The following PCDH9 variants were observed in gnomAD, a reference collection of about 807,000 sequenced individuals.
PCDH9 encodes protocadherin 9.
Under a neutral mutation model 70.6 loss-of-function variants are expected in PCDH9, and 24 were observed. The observed-to-expected ratio is 0.34, with a 90% CI of 0.25 to 0.48. The LOEUF is 0.48. Ranked by LOEUF, PCDH9 falls within the 20% of genes least tolerant of loss-of-function variation. PCDH9 has a pLI of 0.99. For missense variants in PCDH9, 1,281 were observed against 1,503.6 expected, an observed-to-expected ratio of 0.85 and a Z score of 2.45; for synonymous variants, 562 against 558.5, an observed-to-expected ratio of 1.01 and a Z score of -0.09.
intron 4 of PCDH9, among the ~76,000 whole-genome samples, chr13:66,578,489 C>A (rs1161151448): frequency 6.6e-6 from 1 of 151,990 alleles, no homozygotes; most frequent in East Asian, 1.9e-4. Context: ...GATCATTCTA[C>A]ATGTTTGTTG....
At chr13:67,147,158 AATC>A (rs1418384161) in intron 2 of PCDH9, among the ~76,000 whole-genome samples, 1 of 152,182 alleles carries the variant, frequency 6.6e-6, no homozygotes, top group Non-Finnish European at 1.5e-5. Context: ...AGACTTCCGA[AATC>A]ATCATTTTCA....
At chr13:66,849,125 A>C (rs542629450) in intron 3 of PCDH9, among the ~76,000 whole-genome samples, 66 of 152,114 alleles carry the variant, frequency 4.3e-4, no homozygotes, top group African/African-American at 1.5e-3. Flanking sequence ...TTGGGTATCC[A>C]AAGATTTCTA....
At chr13:66,545,677 A>C (rs1231607820) in intron 4 of PCDH9, among the ~76,000 whole-genome samples, 1 of 152,184 alleles carries the variant, frequency 6.6e-6, no homozygotes, top group Admixed American at 6.5e-5. Context: ...ATGTTGGCGT[A>C]AACAACTCTA....
intron 4 of PCDH9, among the ~76,000 whole-genome samples, chr13:66,389,030 T>C (rs541628220): frequency 2.0e-5 from 3 of 152,292 alleles, no homozygotes; most frequent in South Asian, 2.1e-4. Flanking sequence ...CTTCTGTCCA[T>C]GTGTTTTCCT....
chr13:66,410,845 T>C (rs1482583300), intron 4 of PCDH9, among the ~76,000 whole-genome samples: 1 of 152,226 alleles, frequency 6.6e-6, no homozygotes, highest in Non-Finnish European at 1.5e-5. Context: ...GTTATTTTTC[T>C]TCCTATATCT....
intron 2 of PCDH9, among the ~76,000 whole-genome samples, chr13:67,155,630 T>C (rs1269556349): frequency 6.6e-6 from 1 of 152,144 alleles, no homozygotes; most frequent in African/African-American, 2.4e-5. Flanking sequence ...TCCTTTTCCC[T>C]CTGTGTTTTC....
intron 2 of PCDH9, among the ~76,000 whole-genome samples, chr13:67,193,366 C>CAA (rs1476424214): frequency 1.7e-4 from 24 of 143,634 alleles, no homozygotes; most frequent in East Asian, 2.1e-4. Flanking sequence ...CACACACACA[C>CAA]AACATAGGAG....
intron 4 of PCDH9, among the ~76,000 whole-genome samples, chr13:66,383,623 A>G (rs956039540): frequency 2.6e-5 from 4 of 152,208 alleles, no homozygotes; most frequent in Non-Finnish European, 5.9e-5. Context: ...ATCCTTTGCT[A>G]TGTTTCATTG....
Position 66,531,658 on chromosome 13 carries a change from G to A in PCDH9, c.3340+99552C>T, listed in dbSNP as rs1593631089. On this transcript the variant is annotated intron_variant, in intron 4 of 4. Transcript: ENST00000377865. ...ACTACGCTTTAAATTGTTTGGGGTG[G>A]TCCATTCTCTAAATACTTAAAATGC... is the stretch of plus-strand genomic sequence containing the variant. 1.3e-5 allele frequency among the ~76,000 whole-genome samples: 2 copies of A among 152,048 alleles called. 1 individual carries two copies. The highest frequency in any genetic ancestry group is 4.1e-4 in the South Asian group (2 of 4,820).
intron 2 of PCDH9, chr13:67,208,059 T>A (rs1464672089): frequency 6.6e-6 from 1 of 152,156 alleles, no homozygotes; most frequent in Non-Finnish European, 1.5e-5. Context: ...CAGAACTGAT[T>A]CGATTAATCA....
At chr13:67,035,098 A>G (rs1227030138) in intron 2 of PCDH9, among the ~76,000 whole-genome samples, 1 of 152,150 alleles carries the variant, frequency 6.6e-6, no homozygotes, top group Non-Finnish European at 1.5e-5. Context: ...ATGACTATCA[A>G]CTTCATGGTG....
chr13:66,438,207 C>T (rs1957910380), intron 4 of PCDH9, among the ~76,000 whole-genome samples: 1 of 150,574 alleles, frequency 6.6e-6, no homozygotes, highest in Admixed American at 6.6e-5. Flanking sequence ...GCACTCCAGC[C>T]TGAGTGACAG....
At chr13:67,052,701 A>G (rs1395352630) in intron 2 of PCDH9, among the ~76,000 whole-genome samples, 1 of 152,094 alleles carries the variant, frequency 6.6e-6, no homozygotes, top group Non-Finnish European at 1.5e-5. Flanking sequence ...TAGGGAAGTG[A>G]GATTTTTATA....
At chr13:66,812,607 C>T (rs182840553) in intron 3 of PCDH9, among the ~76,000 whole-genome samples, 33 of 152,216 alleles carry the variant, frequency 2.2e-4, no homozygotes, top group African/African-American at 7.5e-4. Flanking sequence ...AAAGTATGTG[C>T]AAGAAACAGA....
chr13:66,704,967 A>G (rs1449236583), intron 3 of PCDH9, among the ~76,000 whole-genome samples: 1 of 151,984 alleles, frequency 6.6e-6, no homozygotes, highest in African/African-American at 2.4e-5. Context: ...TGTTTTCATC[A>G]ATGCTTAAGT....
intron 3 of PCDH9, among the ~76,000 whole-genome samples, chr13:66,703,886 G>T (rs1437579335): frequency 6.6e-6 from 1 of 151,346 alleles, no homozygotes; most frequent in African/African-American, 2.4e-5. Flanking sequence ...GGTCAACAGA[G>T]CAAAACCCTG....
At chr13:67,223,912 G>C (rs2089788448) in intron 2 of PCDH9, 1 of 151,932 alleles carries the variant, frequency 6.6e-6, no homozygotes, top group Non-Finnish European at 1.5e-5. Context: ...TGATGTTCTG[G>C]GAGTATCTGT....
At chr13:67,217,878 A>C (rs1377941019) in intron 2 of PCDH9, 2 of 152,124 alleles carry the variant, frequency 1.3e-5, no homozygotes, top group Non-Finnish European at 2.9e-5. Context: ...ACAAGCCTGC[A>C]TCATCTATCT....
intron 4 of PCDH9, among the ~76,000 whole-genome samples, chr13:66,485,725 T>C (rs994879030): frequency 2.0e-5 from 3 of 151,978 alleles, no homozygotes; most frequent in Admixed American, 2.0e-4. Context: ...TATTTATTCA[T>C]TTATTTATTT....
Sources: allele counts gnomAD v4.1 joint callset (sites outside exome capture counted in the v4.1 genomes callset), GRCh38; gene constraint gnomAD v4.1.1; transcripts MANE v1.5; gene names NCBI Gene and HGNC (gene_info 2026-07-23, HGNC 2026-07-21).